CTNNA2: variants seen among roughly 807,000 people sequenced by gnomAD.
CTNNA2 encodes the protein catenin alpha 2.
Under a neutral mutation model 101.0 loss-of-function variants are expected in CTNNA2, and 42 were observed. The ratio of observed to expected loss-of-function variants is 0.42; its 90% confidence interval spans 0.32 to 0.54. The LOEUF (loss-of-function observed/expected upper bound fraction) is 0.54, where lower values mean the gene tolerates loss of function less well. Ranked by LOEUF, CTNNA2 falls within the 20% of genes least tolerant of loss-of-function variation. CTNNA2 has a pLI of 0.14. For synonymous variants in CTNNA2, 450 were observed against 456.4 expected (o/e 0.99, Z 0.18); for missense variants, 871 against 1,223.1 (o/e 0.71, Z 4.29).
chr2:79,639,190 C>T (rs535288014), intron 1 of CTNNA2, among the ~76,000 whole-genome samples: 2 of 152,288 alleles, frequency 1.3e-5, no homozygotes, highest in African/African-American at 4.8e-5. Context: ...GAGGGCTGCC[C>T]TCTTGGTGAA....
At chr2:79,673,787 C>CT (rs1443248063) in intron 2 of CTNNA2, among the ~76,000 whole-genome samples, 2 of 152,098 alleles carry the variant, frequency 1.3e-5, no homozygotes, top group African/African-American at 2.4e-5. Context: ...ATTGCAATGA[C>CT]TTTCCTTCTT....
At chr2:79,574,421 A>T (rs1266859004) in intron 1 of CTNNA2, among the ~76,000 whole-genome samples, 2 of 151,940 alleles carry the variant, frequency 1.3e-5, no homozygotes, top group Non-Finnish European at 2.9e-5. Flanking sequence ...CTTTGTGTCC[A>T]TGTGTATTCA....
chr2:80,517,623 G>A (rs1322975962), intron 9 of CTNNA2, among the ~76,000 whole-genome samples: 1 of 152,172 alleles, frequency 6.6e-6, no homozygotes, highest in Non-Finnish European at 1.5e-5. Flanking sequence ...CTAGGGGATG[G>A]GTGATGTCAA....
At chr2:79,802,015 GAAAA>G (rs1290738539) in intron 3 of CTNNA2, among the ~76,000 whole-genome samples, 1 of 121,336 alleles carries the variant, frequency 8.2e-6, no homozygotes, top group Non-Finnish European at 1.7e-5. Context: ...AAAAAAAAAT[GAAAA>G]AAGAAAGAAA....
intron 9 of CTNNA2, among the ~76,000 whole-genome samples, chr2:80,455,124 A>G (rs1683852905): frequency 6.6e-6 from 1 of 152,254 alleles, no homozygotes; most frequent in African/African-American, 2.4e-5. Flanking sequence ...GCTGGCAAAC[A>G]AATGGCAAAT....
intron 7 of CTNNA2, among the ~76,000 whole-genome samples, chr2:80,005,589 G>A (rs1178252085): frequency 2.0e-5 from 3 of 152,194 alleles, no homozygotes; most frequent in African/African-American, 4.8e-5. Context: ...CGGCCAAGGA[G>A]TGGCATTTGG....
At chr2:80,412,964 C>A (rs79555546) in intron 8 of CTNNA2, among the ~76,000 whole-genome samples, 1,720 of 152,228 alleles carry the variant, frequency 0.011, 12 homozygotes, top group Admixed American at 0.018. Context: ...TGACACATGG[C>A]CAAGCCCAGA....
chr2:80,542,728 G>A (rs1352750862), intron 9 of CTNNA2, among the ~76,000 whole-genome samples: 1 of 151,762 alleles, frequency 6.6e-6, no homozygotes, highest in Non-Finnish European at 1.5e-5. Flanking sequence ...GATGGTACGG[G>A]GCAAAAACAG....
chr2:79,451,678 A>G (rs114153113), intron 4 of CTNNA2, among the ~76,000 whole-genome samples: 2,984 of 151,950 alleles, frequency 0.02, 96 homozygotes, highest in African/African-American at 0.067. Context: ...ATATCAGTTT[A>G]AGACTCTATC....
chr2:79,837,454 A>C (rs1679462558), intron 3 of CTNNA2, among the ~76,000 whole-genome samples: 1 of 152,200 alleles, frequency 6.6e-6, no homozygotes, highest in South Asian at 2.1e-4. Flanking sequence ...CCTCACAGAC[A>C]CACCTAGGAT....
intron 9 of CTNNA2, among the ~76,000 whole-genome samples, chr2:80,437,944 G>A (rs1682186323): frequency 6.6e-6 from 1 of 152,240 alleles, no homozygotes; most frequent in Admixed American, 6.5e-5. Context: ...GTTGCAGTCA[G>A]CCGAGACTGG....
chr2:79,744,672 A>C, intron 3 of CTNNA2, 90 bp downstream of exon 3: 1 of 1,261,768 alleles, frequency 7.9e-7, no homozygotes, highest in South Asian at 1.6e-5. Flanking sequence ...ATTTACTCAA[A>C]GAAGAAGTCT....
At chr2:79,696,052 G>C (rs182787229) in intron 2 of CTNNA2, among the ~76,000 whole-genome samples, 3 of 152,070 alleles carry the variant, frequency 2.0e-5, no homozygotes, top group Non-Finnish European at 4.4e-5. Context: ...AAGGGACTTA[G>C]AGCCAAAAGA....
chr2:80,488,667 C>G (rs965672401), intron 9 of CTNNA2, among the ~76,000 whole-genome samples: 1 of 152,140 alleles, frequency 6.6e-6, no homozygotes, highest in Non-Finnish European at 1.5e-5. Flanking sequence ...CAGTTTCTTC[C>G]TTGCTCAATA....
intron 7 of CTNNA2, among the ~76,000 whole-genome samples, chr2:80,137,916 C>A (rs929980168): frequency 6.6e-6 from 1 of 152,016 alleles, no homozygotes; most frequent in Non-Finnish European, 1.5e-5. Context: ...CATGCCCCAC[C>A]CCAGCATGGC....
intron 18 of CTNNA2, among the ~76,000 whole-genome samples, chr2:80,627,457 C>T (rs900784580): frequency 6.6e-6 from 1 of 152,146 alleles, no homozygotes; most frequent in Non-Finnish European, 1.5e-5. Flanking sequence ...TTGCATTTCT[C>T]TAATGATCAG....
intron 4 of CTNNA2, among the ~76,000 whole-genome samples, chr2:79,376,457 T>TTG: frequency 6.7e-6 from 1 of 148,348 alleles, no homozygotes; most frequent in Non-Finnish European, 1.5e-5. Flanking sequence ...GTTGGTTTTG[T>TTG]TTTTGTTTTT....
intron 7 of CTNNA2, among the ~76,000 whole-genome samples, chr2:80,391,131 G>GA (rs555715820): frequency 0.06 from 4,235 of 70,736 alleles, 93 homozygotes; most frequent in Middle Eastern, 0.15. Flanking sequence ...GACTGTCTCA[G>GA]AAAAAAAAAA....
rs553886752 is a variant in CTNNA2, at chr2:80,439,060, G to A, written c.1290+19459G>A. Among the ~76,000 whole-genome samples the A allele has an allele frequency of 9.2e-5, 14 of 152,240 alleles. No homozygotes were observed. The South Asian group carries it at 1.0e-3, about 11-fold the overall frequency. On this transcript the variant is annotated intron_variant, in intron 9 of 18. Coordinates refer to ENST00000402739, the MANE Select transcript of CTNNA2 (RefSeq NM_001282597.3). ...ATAAAATATTCACTGAAAATTATAT[G>A]AGTAAATAAAGTAGGAGTGGGAAGT...
Sources: gnomAD v4.1 joint callset for allele counts (sites outside exome capture counted in the v4.1 genomes callset) on GRCh38, gnomAD v4.1.1 for gene constraint, MANE v1.5 for transcripts, NCBI Gene and HGNC (gene_info 2026-07-23, HGNC 2026-07-21) for gene names.